Variants in ME1 observed in about 807,000 individuals in gnomAD.
ME1 encodes the protein malic enzyme 1.
In ME1, 74 loss-of-function variants were observed where a neutral mutation model predicts 66.4. That is an observed-to-expected ratio of 1.11 (90% confidence interval 0.92 to 1.35). The LOEUF (loss-of-function observed/expected upper bound fraction) is 1.35. Ranked by LOEUF, ME1 falls within the 40% of genes most tolerant of loss-of-function variation. ME1 has a pLI of 0.00. For synonymous variants in ME1, 251 were observed against 235.6 expected (o/e 1.07, Z -0.60); for missense variants, 750 against 694.1 (o/e 1.08, Z -0.90).
intron 3 of ME1, among the ~76,000 whole-genome samples, chr6:83,357,247 C>T (rs566400309): frequency 3.3e-5 from 5 of 152,242 alleles, no homozygotes; most frequent in African/African-American, 9.6e-5. Context: ...ATTAAAGTGG[C>T]GTCCTCCAGG....
chr6:83,284,873 T>A lies in ME1; in HGVS notation c.704+30437A>T, dbSNP rs150161245. On this transcript the variant is annotated intron_variant, in intron 6 of 13. Coordinates refer to ENST00000369705, the MANE Select transcript of ME1 (RefSeq NM_002395.6). Reference sequence around the variant, plus strand: ...AGATCAACCAGGCAATAAAAAGAAATAAAAGGCATCCAAATAGGAAAGAAG... The same window carrying A: ...AGATCAACCAGGCAATAAAAAGAAAAAAAAGGCATCCAAATAGGAAAGAAG... 2.4e-3 allele frequency among the ~76,000 whole-genome samples: 362 copies of A among 152,180 alleles called. 2 individuals are homozygous for A. The highest frequency in any genetic ancestry group is 8.5e-3 in the African/African-American group (353 of 41,540).
chr6:83,239,516 TA>T, intron 8 of ME1, 22 bp downstream of exon 8: 1 of 1,489,168 alleles, frequency 6.7e-7, no homozygotes, highest in Non-Finnish European at 9.3e-7. Flanking sequence ...TAGGAGAACA[TA>T]AGTATTACAC....
chr6:83,291,688 C>T (rs1767505921), intron 6 of ME1, among the ~76,000 whole-genome samples: 1 of 152,104 alleles, frequency 6.6e-6, no homozygotes, highest in Non-Finnish European at 1.5e-5. Context: ...TGGGGAAGTT[C>T]TCCTGCATAA....
chr6:83,298,931 G>GTTTTTTTTTTTTTGTTTTTT (rs1767655731), intron 6 of ME1, among the ~76,000 whole-genome samples: 1 of 22,458 alleles, frequency 4.5e-5, no homozygotes. Context: ...CTATGTGTCT[G>GTTTTTTTTTTTTTGTTTTTT]TTTTTTTTTT....
chr6:83,300,610 CTTTTTTTTTTTTTTT>C (rs35205380), intron 6 of ME1, among the ~76,000 whole-genome samples: 32 of 84,966 alleles, frequency 3.8e-4, no homozygotes, highest in Non-Finnish European at 3.5e-4. Context: ...TTCTTTCTTT[CTTTTTTTTTTTTTTT>C]TTTTTTTTGA....
intron 5 of ME1, among the ~76,000 whole-genome samples, chr6:83,328,177 GA>G (rs1411994022): frequency 6.6e-6 from 1 of 152,170 alleles, no homozygotes; most frequent in African/African-American, 2.4e-5. Context: ...GGACATGGAT[GA>G]AGCTGGAAAC....
At chr6:83,299,428 T>C (rs1307358907) in intron 6 of ME1, among the ~76,000 whole-genome samples, 1 of 151,588 alleles carries the variant, frequency 6.6e-6, no homozygotes, top group African/African-American at 2.4e-5. Context: ...TAGGAATGCT[T>C]GTGAATTTTG....
intron 9 of ME1, among the ~76,000 whole-genome samples, chr6:83,235,147 G>A (rs781450039): frequency 2.0e-5 from 3 of 152,142 alleles, no homozygotes; most frequent in African/African-American, 7.2e-5. Context: ...TAATAGACAC[G>A]TTGTCTTGAT....
intron 6 of ME1, among the ~76,000 whole-genome samples, chr6:83,269,899 T>C (rs954193295): frequency 2.0e-5 from 3 of 152,192 alleles, no homozygotes; most frequent in African/African-American, 7.2e-5. Context: ...CTTCATTAAC[T>C]TCTAAAAATA....
At chr6:83,229,443 G>T (rs372476695) in intron 9 of ME1, among the ~76,000 whole-genome samples, 1 of 151,968 alleles carries the variant, frequency 6.6e-6, no homozygotes, top group South Asian at 2.1e-4. Flanking sequence ...TTATGAATGC[G>T]CCATGTGTTA....
At chr6:83,314,534 G>A (rs916361709) in intron 6 of ME1, among the ~76,000 whole-genome samples, 1 of 151,970 alleles carries the variant, frequency 6.6e-6, no homozygotes, top group Non-Finnish European at 1.5e-5. Flanking sequence ...TGCCTCTGAT[G>A]GTTCGATGTA....
chr6:83,415,362 C>A (rs1038689536), intron 1 of ME1, among the ~76,000 whole-genome samples: 4 of 152,118 alleles, frequency 2.6e-5, no homozygotes, highest in Non-Finnish European at 4.4e-5. Context: ...AGGGATAATT[C>A]TATCATAGAA....
rs907739929 is a variant in ME1, at chr6:83,272,913, G to A, written c.705-19175C>T. The stretch of plus-strand genomic sequence containing the variant: ...AAAAGGGCCAGGCGTGGTAGCTCAC[G>A]CCTATAATCCCAGCACTTTGGGAGG... On this transcript the variant is annotated intron_variant, in intron 6 of 13. Coordinates refer to ENST00000369705, the MANE Select transcript of ME1 (RefSeq NM_002395.6). Among the ~76,000 whole-genome samples the A allele has an allele frequency of 2.6e-5, 4 of 152,170 alleles. No individual in the cohort carries two copies. The East Asian group carries it at 5.8e-4, about 22-fold the overall frequency.
chr6:83,357,792 A>G (rs1418413400), intron 3 of ME1, among the ~76,000 whole-genome samples: 1 of 149,998 alleles, frequency 6.7e-6, no homozygotes, highest in Non-Finnish European at 1.5e-5. Flanking sequence ...CGAACATCGA[A>G]CTCCAAGTTC....
intron 6 of ME1, among the ~76,000 whole-genome samples, chr6:83,290,974 G>A (rs929621682): frequency 6.6e-6 from 1 of 151,998 alleles, no homozygotes; most frequent in South Asian, 2.1e-4. Context: ...TTGCTTGATA[G>A]ATCTTCCTCC....
chr6:83,319,393 C>G (rs868361304), intron 5 of ME1, among the ~76,000 whole-genome samples: 2 of 151,784 alleles, frequency 1.3e-5, no homozygotes, highest in African/African-American at 4.8e-5. Flanking sequence ...CTCTGACATG[C>G]CAGCCAACAT....
Position 83,323,875 on chromosome 6 carries a change from A to C in ME1, c.601-8462T>G, listed in dbSNP as rs138108087. ...ACAGAACTCTCCATCCCAAATCAACAGAGTATACATTCTTCTTAGCACCAC... is the reference window on the plus strand; with the variant it reads ...ACAGAACTCTCCATCCCAAATCAACCGAGTATACATTCTTCTTAGCACCAC... On this transcript the variant is annotated intron_variant, in intron 5 of 13. Coordinates refer to ENST00000369705, the MANE Select transcript of ME1 (RefSeq NM_002395.6). 4.7e-3 allele frequency among the ~76,000 whole-genome samples: 717 copies of C among 152,294 alleles called. 2 individuals are homozygous for C. Among genetic ancestry groups the C allele is most frequent in the African/African-American group, 0.017 (690 of 41,558 alleles).
chr6:83,216,438 A>G, intron 13 of ME1, 60 bp downstream of exon 13: 1 of 1,142,078 alleles, frequency 8.8e-7, no homozygotes, highest in Non-Finnish European at 1.3e-6. Context: ...ATATTTAAAA[A>G]TGCATATTTA....
chr6:83,216,124 T>C (rs1789988716), intron 13 of ME1, among the ~76,000 whole-genome samples: 1 of 152,228 alleles, frequency 6.6e-6, no homozygotes, highest in South Asian at 2.1e-4. Flanking sequence ...GTTCAAGGTC[T>C]AAATGTTACT....
Sources: gnomAD v4.1 joint callset for allele counts (sites outside exome capture counted in the v4.1 genomes callset) on GRCh38, gnomAD v4.1.1 for gene constraint, MANE v1.5 for transcripts, NCBI Gene and HGNC (gene_info 2026-07-23, HGNC 2026-07-21) for gene names.